Variants in PCYT1A observed in about 807,000 individuals in gnomAD.
PCYT1A encodes the protein choline-phosphate cytidylyltransferase A.
In PCYT1A, 25 loss-of-function variants were observed where a neutral mutation model predicts 43.7. The ratio of observed to expected loss-of-function variants is 0.57; its 90% confidence interval spans 0.42 to 0.80. The LOEUF is 0.80. PCYT1A is among the 30% of genes least tolerant of loss of function. The probability of loss-of-function intolerance (pLI) is 0.00; values close to 1 mark genes in which losing one functional copy is unlikely to be tolerated. For synonymous variants in PCYT1A, 172 were observed against 170.7 expected (o/e 1.01, Z -0.06); for missense variants, 421 against 474.2 (o/e 0.89, Z 1.04).
intron 1 of PCYT1A, among the ~76,000 whole-genome samples, chr3:196,278,771 G>A (rs1725665577): frequency 6.6e-6 from 1 of 152,074 alleles, no homozygotes; most frequent in Admixed American, 6.6e-5. Flanking sequence ...CTTGAGCCCA[G>A]GAGTTCAAGA....
At chr3:196,265,252 G>A (rs906788550) in intron 2 of PCYT1A, among the ~76,000 whole-genome samples, 8 of 151,708 alleles carry the variant, frequency 5.3e-5, no homozygotes, top group Non-Finnish European at 1.0e-4. Flanking sequence ...ATTTTTAGTA[G>A]AAACGGGGTT....
At chr3:196,255,943 C>G (rs1013094733) in intron 3 of PCYT1A, among the ~76,000 whole-genome samples, 10 of 152,174 alleles carry the variant, frequency 6.6e-5, no homozygotes, top group African/African-American at 2.4e-4. Flanking sequence ...GAAGTTAGAC[C>G]TGGCTACCAT....
chr3:196,239,957 A>C, intron 7 of PCYT1A: 1 of 514,620 alleles, frequency 1.9e-6, no homozygotes, highest in Non-Finnish European at 3.4e-6. Context: ...TTTGGGAATA[A>C]ACTAAAAATA....
rs1246235977 is a variant in PCYT1A at position 196,238,999 on chromosome 3, G to T, written c.898-105C>A. 5.2e-6 allele frequency: 3 copies of T among 581,592 alleles called. No individual in the cohort carries two copies. The East Asian group carries it at 1.0e-4, about 20-fold the overall frequency. 36.0% of individuals were successfully genotyped at this position (581,592 alleles called of 1,614,324 possible). ...GTCTATGCTGTACTATTTATTTAAGGGTTCTCCCCTGCTGTCATCACCCGG... is the reference window on the plus strand; with the variant it reads ...GTCTATGCTGTACTATTTATTTAAGTGTTCTCCCCTGCTGTCATCACCCGG... On this transcript the variant is annotated intron_variant, in intron 8 of 8. Coordinates refer to ENST00000431016, the MANE Select transcript of PCYT1A (RefSeq NM_001312673.2).
chr3:196,247,340 A>G lies in PCYT1A; in HGVS notation c.486+27T>C. The G allele has an allele frequency of 6.2e-7, 1 of 1,611,186 alleles. No individual in the cohort carries two copies. The highest frequency in any genetic ancestry group is 8.5e-7 in the Non-Finnish European group (1 of 1,178,498). ...GAGTTGAGGGGATTCTGAAACAAGG[A>G]ATGGGAATATGTGTCCAGTTTCTTA... On this transcript the variant is annotated intron_variant, in intron 5 of 8. Coordinates refer to ENST00000431016, the MANE Select transcript of PCYT1A (RefSeq NM_001312673.2). The surrounding 1 kb of genome is among the most constrained non-coding windows in gnomAD (Gnocchi z 4.8).
At chr3:196,258,496 T>C (rs1222176353) in intron 2 of PCYT1A, among the ~76,000 whole-genome samples, 3 of 152,192 alleles carry the variant, frequency 2.0e-5, no homozygotes, top group Non-Finnish European at 2.9e-5. Context: ...TTATCAGTTC[T>C]AGTATCCGTT....
rs193126683 is a variant in PCYT1A at position 196,241,076 on chromosome 3, T to G, written c.708+872A>C. Among the ~76,000 whole-genome samples, 20 of 145,658 alleles carry G rather than the reference T, an allele frequency of 1.4e-4. No individual in the cohort carries two copies. In the East Asian group the frequency reaches 2.8e-3, roughly 21 times the overall value. On this transcript the variant is annotated intron_variant, in intron 7 of 8. Transcript: ENST00000431016. ...TGCGAGGCCAAGGGGGTCCGATCGC[T>G]TGAGGCCAGGAGTTTGAGACCAGCC... is the stretch of plus-strand genomic sequence containing the variant.
intron 1 of PCYT1A, among the ~76,000 whole-genome samples, chr3:196,276,197 G>A (rs57331814): frequency 1.3e-5 from 2 of 151,854 alleles, no homozygotes; most frequent in African/African-American, 4.8e-5. Flanking sequence ...AAAAAAATAA[G>A]TATATAAGGC....
chr3:196,248,074 T>C (rs1724625706), intron 4 of PCYT1A, 133 bp downstream of exon 4: 1 of 669,108 alleles, frequency 1.5e-6, no homozygotes, highest in Non-Finnish European at 2.7e-6. Context: ...ATATACTTCA[T>C]GTGTGTTAGA....
At chr3:196,250,987 T>TATGCTGAGGCTGAGGACTAGATACACC (rs1724754407) in intron 3 of PCYT1A, among the ~76,000 whole-genome samples, 1 of 134,070 alleles carries the variant, frequency 7.5e-6, no homozygotes, top group African/African-American at 2.8e-5. Flanking sequence ...CCAGATACCC[T>TATGCTGAGGCTGAGGACTAGATACACC]ATGCTGAGGC....
chr3:196,247,235 TCATCTCCTACGAAACTTA>T lies in PCYT1A; in HGVS notation c.486+114_486+131del. 1.1e-6 allele frequency: 1 copy of T among 909,454 alleles called. No homozygotes were observed. 56.3% of individuals were successfully genotyped at this position (909,454 alleles called of 1,614,324 possible). On this transcript the variant is annotated intron_variant, in intron 5 of 8. Coordinates refer to ENST00000431016, the MANE Select transcript of PCYT1A (RefSeq NM_001312673.2). The surrounding 1 kb of genome is among the most constrained non-coding windows in gnomAD (Gnocchi z 4.8). ...ACTGTTATCACTAGTAATATCACTGTCATCTCCTACGAAACTTACATAAGAGGTAGAAGTAAAACACGG... is the reference window on the plus strand; with the variant it reads ...ACTGTTATCACTAGTAATATCACTGTCATAAGAGGTAGAAGTAAAACACGG...
intron 2 of PCYT1A, among the ~76,000 whole-genome samples, chr3:196,265,360 C>T (rs1295523024): frequency 1.3e-5 from 2 of 152,128 alleles, no homozygotes. Context: ...GCCACTTGCG[C>T]CCAGCCTGAT....
chr3:196,251,161 G>C (rs896101493), intron 3 of PCYT1A, among the ~76,000 whole-genome samples: 2 of 151,092 alleles, frequency 1.3e-5, no homozygotes, highest in Non-Finnish European at 2.9e-5. Flanking sequence ...TGCTGAGGCT[G>C]AGGATCACAT....
intron 1 of PCYT1A, among the ~76,000 whole-genome samples, chr3:196,286,787 G>A (rs547616335): frequency 1.5e-4 from 23 of 152,332 alleles, no homozygotes; most frequent in African/African-American, 5.3e-4. Context: ...GGTGGCGCAT[G>A]CCTGTAATCC....
chr3:196,247,944 A>G lies in PCYT1A; in HGVS notation c.334+263T>C. 1.9e-6 allele frequency: 1 copy of G among 525,814 alleles called. No individual in the cohort carries two copies. The highest frequency in any genetic ancestry group is 3.4e-6 in the Non-Finnish European group (1 of 291,106). 32.6% of individuals were successfully genotyped at this position (525,814 alleles called of 1,614,324 possible). A position where few individuals can be genotyped will look rare whatever the true frequency, so the allele number is the denominator to read the frequency against. The stretch of plus-strand genomic sequence containing the variant: ...CTAAAGCAAATGTTTTAAAGTGGAC[A>G]ACGGAAGTCACGGCTGCTCCTGTGA... On this transcript the variant is annotated intron_variant, in intron 4 of 8. Coordinates refer to ENST00000431016, the MANE Select transcript of PCYT1A (RefSeq NM_001312673.2). This position sits in a 1 kb window ranked among gnomAD's most constrained non-coding sequence, Gnocchi z 4.8.
At chr3:196,243,502 C>A (rs1279202351) in intron 5 of PCYT1A, among the ~76,000 whole-genome samples, 2 of 151,546 alleles carry the variant, frequency 1.3e-5, no homozygotes, top group African/African-American at 4.8e-5. Context: ...CTCCCTCTCC[C>A]CTCTCCCTTC....
chr3:196,245,688 A>G (rs926689516), intron 5 of PCYT1A, among the ~76,000 whole-genome samples: 6 of 152,078 alleles, frequency 3.9e-5, no homozygotes, highest in Non-Finnish European at 5.9e-5. Context: ...CTTGTCAGGG[A>G]TCCATAGGCA....
intron 3 of PCYT1A, chr3:196,251,452 T>C (rs1030265081): frequency 6.5e-6 from 1 of 152,946 alleles, no homozygotes; most frequent in Non-Finnish European, 1.5e-5. Flanking sequence ...AGGAGGTTTA[T>C]GAATTTTTGT....
At chr3:196,265,494 T>C (rs180747350) in intron 2 of PCYT1A, among the ~76,000 whole-genome samples, 18 of 152,318 alleles carry the variant, frequency 1.2e-4, no homozygotes, top group South Asian at 4.1e-4. Context: ...GCCATAAAGT[T>C]TTTCCTAGTT....
Sources: allele counts gnomAD v4.1 joint callset (sites outside exome capture counted in the v4.1 genomes callset), GRCh38; gene constraint gnomAD v4.1.1; non-coding constraint Gnocchi (gnomAD v3.1); transcripts MANE v1.5; gene names NCBI Gene and HGNC (gene_info 2026-07-23, HGNC 2026-07-21).